The following C3orf20 variants were observed in gnomAD, a reference collection of about 807,000 sequenced individuals.
The protein encoded by C3orf20 is family with sequence similarity 149 member C.
Under a neutral mutation model 88.3 loss-of-function variants are expected in C3orf20, and 76 were observed. The observed-to-expected ratio is 0.86, with a 90% CI of 0.72 to 1.04. The LOEUF is 1.04. C3orf20 is among the 50% of genes least tolerant of loss of function. The pLI is 0.00. For missense variants in C3orf20, 1,056 were observed against 1,123.3 expected (o/e 0.94, Z 0.86); for synonymous variants, 436 against 437.4 (o/e 1.00, Z 0.04).
chr3:14,721,702 T>A lies in C3orf20; in HGVS notation c.1484T>A (p.Val495Asp). 6.2e-7 allele frequency: 1 copy of A among 1,614,150 alleles called. No individual in the cohort carries two copies. Among genetic ancestry groups the A allele is most frequent in the Middle Eastern group, 1.6e-4 (1 of 6,062 alleles). Residue 495 changes from valine to aspartate, a missense_variant, in exon 10 of 17, where the codon GTC becomes GAC. Val to Asp is a radical substitution (Grantham distance 152). Transcript: ENST00000253697. Reference sequence around the variant, plus strand: ...GTACTGGGACAGGACTCCATCACAGTCACCTTCACCTCCCTGAATGAGACA... The same window carrying A: ...GTACTGGGACAGGACTCCATCACAGACACCTTCACCTCCCTGAATGAGACA... ...LKVLGQDSIT[V>D]TFTSLNETVT...
intron 12 of C3orf20, among the ~76,000 whole-genome samples, chr3:14,751,547 G>A (rs542593792): frequency 5.3e-5 from 8 of 152,298 alleles, no homozygotes; most frequent in East Asian, 1.9e-4. Flanking sequence ...AATTGTCTCC[G>A]TTTGCAGATG....
At chr3:14,685,037 A>C (rs2032321774) in intron 4 of C3orf20, among the ~76,000 whole-genome samples, 1 of 152,188 alleles carries the variant, frequency 6.6e-6, no homozygotes, top group African/African-American at 2.4e-5. Context: ...TAAAAAAAGA[A>C]ATGTTTATTG....
chr3:14,760,105 G>T (rs1222562451), intron 14 of C3orf20, 107 bp downstream of exon 14: 1 of 854,558 alleles, frequency 1.2e-6, no homozygotes, highest in African/African-American at 1.7e-5. Context: ...GAGAAGAAGG[G>T]AGGGGCTGCG....
At chr3:14,744,717 G>A (rs941353312) in intron 12 of C3orf20, among the ~76,000 whole-genome samples, 1 of 151,946 alleles carries the variant, frequency 6.6e-6, no homozygotes, top group Non-Finnish European at 1.5e-5. Context: ...GACGACAAGA[G>A]AAAATGAGGA....
intron 5 of C3orf20, among the ~76,000 whole-genome samples, chr3:14,691,627 T>G (rs1276933135): frequency 6.6e-6 from 1 of 152,166 alleles, no homozygotes; most frequent in Non-Finnish European, 1.5e-5. Context: ...TTTTTTTAAT[T>G]TTAAATTTTT....
At chr3:14,698,152 G>A (rs978887735) in intron 5 of C3orf20, among the ~76,000 whole-genome samples, 13 of 152,144 alleles carry the variant, frequency 8.5e-5, no homozygotes, top group Admixed American at 7.9e-4. Flanking sequence ...CAATCTCTTC[G>A]TTAAATGATA....
At chr3:14,752,382 A>G (rs1232586169) in intron 12 of C3orf20, among the ~76,000 whole-genome samples, 3 of 152,248 alleles carry the variant, frequency 2.0e-5, no homozygotes, top group Admixed American at 2.0e-4. Context: ...TAAAAACCCT[A>G]GAAGAAAACC....
intron 12 of C3orf20, among the ~76,000 whole-genome samples, chr3:14,738,533 A>G (rs2342696): frequency 0.52 from 77,360 of 150,128 alleles, 22,064 homozygotes; most frequent in African/African-American, 0.78. Context: ...GGGTTTCACC[A>G]TGTTAGCTAG....
rs145325111 is a variant in C3orf20, at chr3:14,681,590, G to A, written c.-298-580G>A. 7.9e-4 allele frequency among the ~76,000 whole-genome samples: 121 copies of A among 152,320 alleles called. 1 individual carries two copies. In the East Asian group the frequency reaches 0.019, roughly 24 times the overall value. ...TCTCCCTGGGGTTGACCTTTGCTAC[G>A]TGCTGTGGATTCTTGAGTCTTTCAC... On this transcript the variant is annotated intron_variant, in intron 1 of 16. Transcript: ENST00000253697.
At chr3:14,719,027 G>A (rs912065600) in intron 9 of C3orf20, among the ~76,000 whole-genome samples, 5 of 152,200 alleles carry the variant, frequency 3.3e-5, no homozygotes, top group Non-Finnish European at 7.3e-5. Flanking sequence ...TCAGGCTAAA[G>A]CCGTAAACCT....
intron 5 of C3orf20, among the ~76,000 whole-genome samples, chr3:14,694,621 C>T (rs2032884819): frequency 6.6e-6 from 1 of 151,938 alleles, no homozygotes; most frequent in Non-Finnish European, 1.5e-5. Flanking sequence ...TTGTTTTTAA[C>T]TTTTTAAAAA....
intron 5 of C3orf20, among the ~76,000 whole-genome samples, chr3:14,693,602 G>A (rs929334704): frequency 9.9e-5 from 15 of 152,258 alleles, no homozygotes; most frequent in Admixed American, 9.8e-4. Context: ...GGAGTCTTTA[G>A]GTTTTTCCAA....
chr3:14,692,028 A>G (rs1216077414), intron 5 of C3orf20, among the ~76,000 whole-genome samples: 2 of 152,216 alleles, frequency 1.3e-5, no homozygotes, highest in Admixed American at 6.5e-5. Flanking sequence ...TTCACTTAAC[A>G]TAATGATCTC....
intron 5 of C3orf20, among the ~76,000 whole-genome samples, chr3:14,700,674 T>A (rs1044335877): frequency 6.6e-6 from 1 of 152,244 alleles, no homozygotes; most frequent in Non-Finnish European, 1.5e-5. Context: ...TAATCTTGTT[T>A]AGGAATTAGG....
intron 12 of C3orf20, among the ~76,000 whole-genome samples, chr3:14,729,728 T>A (rs2034474548): frequency 6.6e-6 from 1 of 152,178 alleles, no homozygotes; most frequent in Non-Finnish European, 1.5e-5. Flanking sequence ...GTATTTTTAG[T>A]AGAGACAGGG....
chr3:14,759,510 G>C (rs1391084881), intron 13 of C3orf20, among the ~76,000 whole-genome samples: 1 of 152,134 alleles, frequency 6.6e-6, no homozygotes, highest in African/African-American at 2.4e-5. Context: ...GTGTAAAGTA[G>C]ACTCAAAAGC....
Position 14,690,090 on chromosome 3 carries a change from C to A in C3orf20, c.719C>A (p.Ala240Asp). ...GCCTGTCTGAGCTTTTCTCTCTCTG[C>A]TGGAAAAGAAGCCAAGAAGAAAATA... The part of the protein sequence containing the change: ...STACLSFSLS[A>D]GKEAKKKIGK... The change falls in exon 5 of 17, where the codon GCT (alanine) becomes GAT (aspartate). Residue 240 changes from alanine (A) to aspartate (D), a missense_variant. By Grantham distance (126) the Ala-to-Asp change is moderately radical (BLOSUM62 -2). Coordinates refer to ENST00000253697, the MANE Select transcript of C3orf20 (RefSeq NM_032137.5). The A allele has an allele frequency of 6.2e-7, 1 of 1,614,170 alleles. No individual in the cohort carries two copies. Among genetic ancestry groups the A allele is most frequent in the African/African-American group, 1.3e-5 (1 of 75,026 alleles).
chr3:14,682,978 C>A lies in C3orf20; in HGVS notation c.265C>A (p.Pro89Thr). 1 of 1,613,954 alleles carries A rather than the reference C, an allele frequency of 6.2e-7. No individual in the cohort carries two copies. The highest frequency in any genetic ancestry group is 8.5e-7 in the Non-Finnish European group (1 of 1,179,944). Residue 89 changes from proline (P) to threonine (T), a missense_variant, in exon 3 of 17, where the codon CCC (proline) becomes ACC (threonine). Coordinates refer to ENST00000253697, the MANE Select transcript of C3orf20 (RefSeq NM_032137.5). The stretch of plus-strand genomic sequence containing the variant: ...CATGGAACCCACCTTTGTGCAGGTC[C>A]CCACACTGAAGAAGCCACTACCTCC... Reference protein sequence around the residue: ...VLMEPTFVQVPTLKKPLPPPP... With the variant: ...VLMEPTFVQVTTLKKPLPPPP...
At chr3:14,691,439 G>C (rs1053508292) in intron 5 of C3orf20, among the ~76,000 whole-genome samples, 1 of 152,174 alleles carries the variant, frequency 6.6e-6, no homozygotes, top group African/African-American at 2.4e-5. Context: ...CTTTTTCTGC[G>C]TAATGAACTT....
Sources: gnomAD v4.1 joint callset for allele counts (sites outside exome capture counted in the v4.1 genomes callset) on GRCh38, gnomAD v4.1.1 for gene constraint, MANE v1.5 for transcripts, NCBI Gene and HGNC (gene_info 2026-07-23, HGNC 2026-07-21) for gene names.